Variants in CDON observed in about 807,000 individuals in gnomAD.
The protein encoded by CDON is cell adhesion molecule-related/down-regulated by oncogenes.
In CDON, 73 loss-of-function variants were observed where a neutral mutation model predicts 120.9. The observed-to-expected ratio is 0.60, with a 90% confidence interval of 0.50 to 0.73. CDON has a LOEUF of 0.73. Among genes scored for constraint, CDON ranks in the 30% least tolerant of loss-of-function variants. CDON has a pLI of 0.00. For synonymous variants in CDON, 566 were observed against 573.5 expected (o/e 0.99, Z 0.19); for missense variants, 1,470 against 1,587.3 (o/e 0.93, Z 1.26).
At chr11:125,983,844 G>A (rs1291393743) in intron 16 of CDON, 28 bp downstream of exon 16, 3 of 1,510,398 alleles carry the variant, frequency 2.0e-6, no homozygotes, top group Non-Finnish European at 2.8e-6. Flanking sequence ...TTTAGAAAAA[G>A]AGAAGGAGAT....
Position 125,981,964 on chromosome 11 carries a change from TA to T in CDON, c.2996-636del, listed in dbSNP as rs1565501887. On this transcript the variant is annotated intron_variant, in intron 16 of 19. Transcript: ENST00000531738. Reference sequence around the variant, plus strand: ...GAGTACCAAAGGCAAAAAGTGATTCTATTTTCTTTTTTTTTTTTTTTTTTTT... The same window carrying T: ...GAGTACCAAAGGCAAAAAGTGATTCTTTTTCTTTTTTTTTTTTTTTTTTTT... Among the ~76,000 whole-genome samples, 558 of 122,200 alleles carry T rather than the reference TA, an allele frequency of 4.6e-3. 1 individual carries two copies. Among genetic ancestry groups the T allele is most frequent in the East Asian group, 0.011 (45 of 4,182 alleles). The allele number at this position is 122,200 out of a possible 152,430, so 80.2% of individuals were successfully genotyped here. A position where few individuals can be genotyped will look rare whatever the true frequency, so the allele number is the denominator to read the frequency against.
Position 125,994,859 on chromosome 11 carries a change from A to G in CDON, c.2544+12T>C. ...AAACCACAAAATCTCATTCCAGAAG[A>G]TGTGTACTGACCGTCCACTTTAGCA... On this transcript the variant is annotated intron_variant, in intron 13 of 19. Transcript: ENST00000531738. The G allele has an allele frequency of 6.2e-7, 1 of 1,608,066 alleles. No homozygotes were observed. The highest frequency in any genetic ancestry group is 8.5e-7 in the Non-Finnish European group (1 of 1,174,626).
At chr11:126,005,225 C>A (rs113379694) in intron 9 of CDON, among the ~76,000 whole-genome samples, 1 of 149,698 alleles carries the variant, frequency 6.7e-6, no homozygotes. Flanking sequence ...CTGCTGGAAC[C>A]CGGGAGGCAG....
At chr11:126,011,307 G>C (rs900529767) in intron 7 of CDON, among the ~76,000 whole-genome samples, 5 of 152,136 alleles carry the variant, frequency 3.3e-5, no homozygotes, top group Admixed American at 2.6e-4. Flanking sequence ...GCTTACAATG[G>C]AATATTGATC....
At chr11:126,049,732 T>G (rs1482082867) in intron 1 of CDON, among the ~76,000 whole-genome samples, 3 of 152,236 alleles carry the variant, frequency 2.0e-5, no homozygotes, top group Non-Finnish European at 2.9e-5. Context: ...TGAATTCATG[T>G]TGTAACACAT....
chr11:125,965,780 C>T (rs543957281), intron 18 of CDON, among the ~76,000 whole-genome samples: 71 of 152,172 alleles, frequency 4.7e-4, no homozygotes, highest in Non-Finnish European at 9.0e-4. Flanking sequence ...AGAAGTAAAT[C>T]CTTTCTAGAG....
At chr11:126,039,150 A>G (rs574732) in intron 1 of CDON, among the ~76,000 whole-genome samples, 120,806 of 152,160 alleles carry the variant, frequency 0.79, 48,628 homozygotes, top group African/African-American at 0.95. Flanking sequence ...ATACTGAGGC[A>G]TCACAAAAAC....
intron 18 of CDON, among the ~76,000 whole-genome samples, chr11:125,970,212 G>A (rs1254821764): frequency 7.7e-6 from 1 of 129,456 alleles, no homozygotes; most frequent in Non-Finnish European, 1.6e-5. Flanking sequence ...GTCTTGCTCT[G>A]TCGCCAGGCT....
intron 18 of CDON, among the ~76,000 whole-genome samples, chr11:125,971,347 C>G (rs531308502): frequency 1.2e-4 from 18 of 151,812 alleles, no homozygotes; most frequent in African/African-American, 4.3e-4. Flanking sequence ...CGCACCACTG[C>G]ACTCCAGCCT....
chr11:125,974,014 T>C (rs1231591357), intron 18 of CDON, among the ~76,000 whole-genome samples: 1 of 151,888 alleles, frequency 6.6e-6, no homozygotes, highest in Non-Finnish European at 1.5e-5. Flanking sequence ...TTCTGCTTCA[T>C]CCTCCGGTGT....
chr11:126,059,346 G>C (rs1410237204), intron 1 of CDON, among the ~76,000 whole-genome samples: 2 of 152,206 alleles, frequency 1.3e-5, no homozygotes, highest in African/African-American at 4.8e-5. Context: ...AGTCCTGCTT[G>C]TAATAAAGTC....
intron 18 of CDON, among the ~76,000 whole-genome samples, chr11:125,976,738 C>T (rs1273969087): frequency 6.6e-6 from 1 of 152,106 alleles, no homozygotes. Context: ...TAAGATGATA[C>T]TTCATCAAAA....
chr11:125,991,705 A>G (rs1946636222), intron 14 of CDON, among the ~76,000 whole-genome samples: 1 of 152,178 alleles, frequency 6.6e-6, no homozygotes, highest in Non-Finnish European at 1.5e-5. Context: ...TGTTCCTGTG[A>G]TTTGGAGAAC....
chr11:126,032,128 G>A (rs1947960537), intron 1 of CDON, among the ~76,000 whole-genome samples: 2 of 152,096 alleles, frequency 1.3e-5, no homozygotes, highest in South Asian at 4.1e-4. Context: ...GGTTTTCAGA[G>A]ATTAAAGCAG....
chr11:126,004,097 C>T (rs766337229), intron 9 of CDON, 21 bp from the exon 10 acceptor site: 17 of 1,612,562 alleles, frequency 1.1e-5, no homozygotes, highest in Non-Finnish European at 1.4e-5. Flanking sequence ...GAAAACACAC[C>T]AGAAAAGAAA....
At chr11:126,055,544 C>A (rs1381021929) in intron 1 of CDON, among the ~76,000 whole-genome samples, 3 of 152,140 alleles carry the variant, frequency 2.0e-5, no homozygotes, top group Non-Finnish European at 4.4e-5. Context: ...CAGAAAAGAT[C>A]TTGAATATGG....
chr11:125,968,017 T>C (rs1478282955), intron 18 of CDON, among the ~76,000 whole-genome samples: 1 of 152,192 alleles, frequency 6.6e-6, no homozygotes, highest in Non-Finnish European at 1.5e-5. Flanking sequence ...CCACCACGCC[T>C]GGCTAAAACC....
intron 3 of CDON, 151 bp downstream of exon 3, chr11:126,021,096 TC>T (rs1947620700): frequency 1.3e-6 from 1 of 753,818 alleles, no homozygotes; most frequent in Non-Finnish European, 2.2e-6. Flanking sequence ...TAAGTGCACT[TC>T]CACAATATAC....
intron 14 of CDON, among the ~76,000 whole-genome samples, chr11:125,990,483 T>G (rs1447931590): frequency 6.6e-6 from 1 of 152,192 alleles, no homozygotes; most frequent in Non-Finnish European, 1.5e-5. Flanking sequence ...TCACTCTTCA[T>G]GTTGACTTCC....
Sources: gnomAD v4.1 joint callset for allele counts (sites outside exome capture counted in the v4.1 genomes callset) on GRCh38, gnomAD v4.1.1 for gene constraint, MANE v1.5 for transcripts, NCBI Gene and HGNC (gene_info 2026-07-23, HGNC 2026-07-21) for gene names.